SLC12A6: variants seen among roughly 807,000 people sequenced by gnomAD.
The protein encoded by SLC12A6 is K-Cl cotransporter 3.
Under a neutral mutation model 135.3 loss-of-function variants are expected in SLC12A6, and 66 were observed. That is an observed-to-expected ratio of 0.49 (90% confidence interval 0.40 to 0.60). The LOEUF is 0.60. SLC12A6 is among the 20% of genes least tolerant of loss of function. SLC12A6 has a pLI of 0.00. For synonymous variants in SLC12A6, 513 were observed against 508.8 expected (o/e 1.01, Z -0.11); for missense variants, 1,058 against 1,452.3 (o/e 0.73, Z 4.41).
intron 2 of SLC12A6, among the ~76,000 whole-genome samples, chr15:34,283,756 A>T (rs969299184): frequency 1.6e-4 from 23 of 148,280 alleles, no homozygotes; most frequent in Non-Finnish European, 3.3e-4. Context: ...AAAGGTTAGC[A>T]TTTTTTTTTT....
chr15:34,312,670 C>T (rs945940602), intron 2 of SLC12A6, among the ~76,000 whole-genome samples: 8 of 152,094 alleles, frequency 5.3e-5, no homozygotes, highest in African/African-American at 1.9e-4. Context: ...TACAGGCATA[C>T]CTTGTTTTAT....
chr15:34,289,933 G>A (rs1335725785), intron 2 of SLC12A6, among the ~76,000 whole-genome samples: 1 of 152,048 alleles, frequency 6.6e-6, no homozygotes, highest in Non-Finnish European at 1.5e-5. Flanking sequence ...CCAGCTCCTG[G>A]ATTCATTGAT....
At chr15:34,319,679 G>C (rs573956920) in intron 2 of SLC12A6, among the ~76,000 whole-genome samples, 1 of 151,866 alleles carries the variant, frequency 6.6e-6, no homozygotes, top group Non-Finnish European at 1.5e-5. Flanking sequence ...CATGCCTGTA[G>C]TCCCAGCTGC....
chr15:34,279,567 T>C (rs777593627), intron 2 of SLC12A6, among the ~76,000 whole-genome samples: 10 of 152,178 alleles, frequency 6.6e-5, no homozygotes, highest in Non-Finnish European at 1.5e-4. Context: ...AACTCCCCCA[T>C]TTACCACTTT....
At chr15:34,258,197 G>C (rs1566818702) in intron 5 of SLC12A6, among the ~76,000 whole-genome samples, 1 of 152,186 alleles carries the variant, frequency 6.6e-6, no homozygotes, top group East Asian at 1.9e-4. Flanking sequence ...AAATTAGATG[G>C]CAAAATGAAG....
intron 9 of SLC12A6, 57 bp downstream of exon 9, chr15:34,254,291 C>A (rs1892594243): frequency 6.6e-7 from 1 of 1,509,870 alleles, no homozygotes; most frequent in East Asian, 2.3e-5. Flanking sequence ...ATCACACCAC[C>A]AGATATTTTC....
At chr15:34,306,879 G>A (rs1051997666) in intron 2 of SLC12A6, among the ~76,000 whole-genome samples, 3 of 152,124 alleles carry the variant, frequency 2.0e-5, no homozygotes, top group African/African-American at 7.2e-5. Flanking sequence ...GATGGACTCT[G>A]AAAATAATTG....
chr15:34,333,395 A>G (rs1875078741), intron 2 of SLC12A6, among the ~76,000 whole-genome samples: 1 of 151,798 alleles, frequency 6.6e-6, no homozygotes, highest in African/African-American at 2.4e-5. Context: ...ACGCCTGGCT[A>G]ATTTTTTGTA....
intron 16 of SLC12A6, among the ~76,000 whole-genome samples, chr15:34,242,714 A>G (rs1486555952): frequency 3.9e-5 from 6 of 152,162 alleles, no homozygotes; most frequent in South Asian, 2.1e-4. Flanking sequence ...ACTTATTAGC[A>G]TAACTGCAGA....
chr15:34,281,829 A>T (rs2140917676), intron 2 of SLC12A6, among the ~76,000 whole-genome samples: 1 of 152,274 alleles, frequency 6.6e-6, no homozygotes, highest in East Asian at 1.9e-4. Context: ...AGGCAATTTT[A>T]GGCAAAGTAA....
rs940361308 is a variant in SLC12A6 at position 34,336,697 on chromosome 15, A to G, written c.-17T>C. ...AGGATGCATTTTGTTCTTTTTAAGA[A>G]CAAAAAAAGTGGGGGGAACCTCGCA... On this transcript the variant is annotated 5_prime_UTR_variant, in exon 2 of 26. Transcript: ENST00000354181. 19 of 1,613,318 alleles carry G rather than the reference A, an allele frequency of 1.2e-5. No individual in the cohort carries two copies. Among genetic ancestry groups the G allele is most frequent in the Non-Finnish European group, 1.6e-5 (19 of 1,179,366 alleles).
rs1376034980 is a variant in SLC12A6 at position 34,318,596 on chromosome 15, T to C, written c.271+17814A>G. ...TGAATCCTGAATCCGGGCTTTTATGTCTGCTAAACTAGGCTCTTGAGAGAT... is the reference window on the plus strand; with the variant it reads ...TGAATCCTGAATCCGGGCTTTTATGCCTGCTAAACTAGGCTCTTGAGAGAT... On this transcript the variant is annotated intron_variant, in intron 2 of 25. Coordinates refer to ENST00000354181, the MANE Select transcript of SLC12A6 (RefSeq NM_001365088.1). 3 of 1,614,032 alleles carry C rather than the reference T, an allele frequency of 1.9e-6. No individual in the cohort carries two copies. In the Admixed American group the frequency reaches 5.0e-5, roughly 27 times the overall value.
Position 34,336,437 on chromosome 15 carries a change from T to C in SLC12A6, c.244A>G (p.Thr82Ala), listed in dbSNP as rs746540884. The C allele has an allele frequency of 6.2e-7, 1 of 1,613,960 alleles. No individual in the cohort carries two copies. Among genetic ancestry groups the C allele is most frequent in the South Asian group, 1.1e-5 (1 of 91,066 alleles). The stretch of plus-strand genomic sequence containing the variant: ...TCGATGACATCCTGGGGGTGAGAAG[T>C]CCGGTCACTGGGTGGATCCAGTGCA... The part of the protein sequence containing the change: ...TVALDPPSDR[T>A]SHPQDVIEDL... Residue 82 changes from threonine (T) to alanine (A), a missense_variant, in exon 2 of 26, where the codon ACT (threonine) becomes GCT (alanine). Around this residue, in one of 6 missense-constraint regions of SLC12A6, gnomAD observed 176 missense variants for 168.9 expected, o/e 1.04. Coordinates refer to ENST00000354181, the MANE Select transcript of SLC12A6 (RefSeq NM_001365088.1).
chr15:34,257,901 A>G (rs913903970), intron 5 of SLC12A6, 113 bp from the exon 6 acceptor site: 9 of 719,516 alleles, frequency 1.3e-5, no homozygotes, highest in Middle Eastern at 3.2e-4. Context: ...AGCAGAAATC[A>G]TAAGTTTAAT....
intron 2 of SLC12A6, among the ~76,000 whole-genome samples, chr15:34,303,092 T>G (rs1027857905): frequency 6.6e-6 from 1 of 151,686 alleles, no homozygotes; most frequent in Non-Finnish European, 1.5e-5. Context: ...AACATGACCA[T>G]AAGAGACTAT....
chr15:34,274,807 G>C (rs1249976864), intron 3 of SLC12A6, among the ~76,000 whole-genome samples: 1 of 150,948 alleles, frequency 6.6e-6, no homozygotes, highest in African/African-American at 2.4e-5. Context: ...GCGAGACACT[G>C]TCTCAAAAAA....
chr15:34,310,517 G>GGT, intron 2 of SLC12A6, among the ~76,000 whole-genome samples: 1 of 95,850 alleles, frequency 1.0e-5, no homozygotes, highest in African/African-American at 4.5e-5. Flanking sequence ...TGTCCCCGTG[G>GGT]CCAGGCTAGT....
At position 34,325,749 on chromosome 15, in the gene SLC12A6, AG is replaced by A. The variant is rs751591421; in HGVS notation, c.271+10660del. 1.1e-3 allele frequency among the ~76,000 whole-genome samples: 166 copies of A among 152,332 alleles called. 1 individual carries two copies. The highest frequency in any genetic ancestry group is 1.2e-3 in the Non-Finnish European group (81 of 68,032). Reference sequence around the variant, plus strand: ...ATCTCATGCTTTAACTGAGGCTGAAAGGATCATGCATTCACTCAATAATATT... The same window carrying A: ...ATCTCATGCTTTAACTGAGGCTGAAAGATCATGCATTCACTCAATAATATT... On this transcript the variant is annotated intron_variant, in intron 2 of 25. Transcript: ENST00000354181.
chr15:34,293,630 C>T (rs780060748), intron 2 of SLC12A6, among the ~76,000 whole-genome samples: 6 of 152,184 alleles, frequency 3.9e-5, no homozygotes, highest in Non-Finnish European at 8.8e-5. Flanking sequence ...GACAAAGTCT[C>T]GCTCTGAGGC....
Sources: gnomAD v4.1 joint callset for allele counts (sites outside exome capture counted in the v4.1 genomes callset) on GRCh38, gnomAD v4.1.1 for gene constraint, gnomAD v4.1.1 regional missense constraint, MANE v1.5 for transcripts, NCBI Gene and HGNC (gene_info 2026-07-23, HGNC 2026-07-21) for gene names.